Variants in ZNF804A observed in about 807,000 individuals in gnomAD.
ZNF804A encodes zinc finger protein 804A.
Under a neutral mutation model 16.5 loss-of-function variants are expected in ZNF804A, and 2 were observed. The observed-to-expected ratio is 0.12, with a 90% CI of 0.05 to 0.38. The LOEUF is 0.38. Ranked by LOEUF, ZNF804A falls within the 10% of genes least tolerant of loss-of-function variation. ZNF804A has a pLI of 0.99. For synonymous variants in ZNF804A, 534 were observed against 489.6 expected (o/e 1.09, Z -1.20); for missense variants, 1,473 against 1,390.7 (o/e 1.06, Z -0.94).
intron 1 of ZNF804A, among the ~76,000 whole-genome samples, chr2:184,843,756 C>T (rs140251730): frequency 6.6e-6 from 1 of 152,010 alleles, no homozygotes; most frequent in South Asian, 2.1e-4. Flanking sequence ...TTAGTTTTAA[C>T]CTATCTGATT....
intron 2 of ZNF804A, among the ~76,000 whole-genome samples, chr2:184,915,965 GAATATCTT>G (rs1685443029): frequency 6.6e-6 from 1 of 152,102 alleles, no homozygotes; most frequent in Non-Finnish European, 1.5e-5. Context: ...CCATCCACTA[GAATATCTT>G]AACCTTCTCT....
intron 1 of ZNF804A, among the ~76,000 whole-genome samples, chr2:184,810,146 G>T (rs1694869198): frequency 6.6e-6 from 1 of 152,268 alleles, no homozygotes; most frequent in African/African-American, 2.4e-5. Context: ...TTTACCCTTT[G>T]TCTATGTACT....
intron 1 of ZNF804A, among the ~76,000 whole-genome samples, chr2:184,738,377 C>T (rs531960262): frequency 6.6e-6 from 1 of 152,064 alleles, no homozygotes; most frequent in Non-Finnish European, 1.5e-5. Context: ...CAATTAGAGT[C>T]TTAGAATGAA....
intron 1 of ZNF804A, among the ~76,000 whole-genome samples, chr2:184,664,811 G>C (rs2035320): frequency 0.86 from 131,275 of 152,162 alleles, 56,976 homozygotes; most frequent in African/African-American, 0.91. Context: ...TTGTCTTTAC[G>C]ACAGCTCTTG....
intron 2 of ZNF804A, among the ~76,000 whole-genome samples, chr2:184,895,544 C>G (rs940228357): frequency 1.3e-5 from 2 of 152,168 alleles, no homozygotes; most frequent in African/African-American, 4.8e-5. Flanking sequence ...AAGCTGTGGT[C>G]ATTCAAAGAG....
At chr2:184,690,263 A>T (rs1692707561) in intron 1 of ZNF804A, among the ~76,000 whole-genome samples, 2 of 151,866 alleles carry the variant, frequency 1.3e-5, no homozygotes, top group African/African-American at 4.8e-5. Context: ...TGGTGACAAG[A>T]CTGTTGTATA....
intron 1 of ZNF804A, among the ~76,000 whole-genome samples, chr2:184,772,870 T>C (rs866842742): frequency 3.8e-4 from 57 of 150,434 alleles, no homozygotes; most frequent in Middle Eastern, 3.4e-3. Context: ...GTAGTTTTCA[T>C]TTGCTTTACC....
intron 1 of ZNF804A, among the ~76,000 whole-genome samples, chr2:184,791,734 T>C (rs1483291548): frequency 1.3e-5 from 2 of 152,142 alleles, no homozygotes; most frequent in African/African-American, 4.8e-5. Context: ...ATTTCACTCT[T>C]GGTGTTTCAT....
At chr2:184,780,557 A>C (rs1694357839) in intron 1 of ZNF804A, among the ~76,000 whole-genome samples, 1 of 151,692 alleles carries the variant, frequency 6.6e-6, no homozygotes, top group Non-Finnish European at 1.5e-5. Context: ...AGGGAGGTAC[A>C]TGAAATGAAA....
At chr2:184,862,569 A>G (rs1170412095) in intron 1 of ZNF804A, among the ~76,000 whole-genome samples, 5 of 152,196 alleles carry the variant, frequency 3.3e-5, no homozygotes, top group Non-Finnish European at 7.4e-5. Flanking sequence ...AAGCAACAGA[A>G]CACACAAATA....
At position 184,844,820 on chromosome 2, in the gene ZNF804A, C is replaced by T. The variant is rs572347338; in HGVS notation, c.112-21549C>T. ...TCTATTTCTTCTACTCCACTTCTCTCTCTCTCCAGCTTTTGATATTCTAAA... is the reference window on the plus strand; with the variant it reads ...TCTATTTCTTCTACTCCACTTCTCTTTCTCTCCAGCTTTTGATATTCTAAA... On this transcript the variant is annotated intron_variant, in intron 1 of 3. Coordinates refer to ENST00000302277, the MANE Select transcript of ZNF804A (RefSeq NM_194250.2). Among the ~76,000 whole-genome samples the T allele has an allele frequency of 3.3e-5, 5 of 152,020 alleles. No individual in the cohort carries two copies. In the South Asian group the frequency reaches 8.3e-4, roughly 25 times the overall value.
chr2:184,718,469 T>G (rs1214556656), intron 1 of ZNF804A, among the ~76,000 whole-genome samples: 1 of 152,018 alleles, frequency 6.6e-6, no homozygotes, highest in Non-Finnish European at 1.5e-5. Context: ...GCCCAAAGAC[T>G]CATCTGAGAC....
At chr2:184,683,217 T>C (rs1692571099) in intron 1 of ZNF804A, among the ~76,000 whole-genome samples, 1 of 152,214 alleles carries the variant, frequency 6.6e-6, no homozygotes, top group African/African-American at 2.4e-5. Context: ...AACAATTCAA[T>C]GTCTACTTTT....
chr2:184,892,904 C>T (rs933932581), intron 2 of ZNF804A, among the ~76,000 whole-genome samples: 1 of 151,906 alleles, frequency 6.6e-6, no homozygotes, highest in Non-Finnish European at 1.5e-5. Context: ...TTCATTATTG[C>T]CTGTGTTATA....
chr2:184,915,254 A>C, intron 2 of ZNF804A, among the ~76,000 whole-genome samples: 1 of 152,180 alleles, frequency 6.6e-6, no homozygotes, highest in South Asian at 2.1e-4. Context: ...CTTTTATTAC[A>C]TTGTAAAAAT....
intron 1 of ZNF804A, among the ~76,000 whole-genome samples, chr2:184,838,818 G>A (rs573437857): frequency 5.3e-5 from 8 of 151,870 alleles, no homozygotes; most frequent in South Asian, 2.1e-4. Context: ...ATATCAGCCC[G>A]GCAGTGCTCT....
chr2:184,752,831 A>G (rs1327751422), intron 1 of ZNF804A, among the ~76,000 whole-genome samples: 1 of 151,726 alleles, frequency 6.6e-6, no homozygotes, highest in African/African-American at 2.4e-5. Context: ...TTTCCAAAGT[A>G]TACAAAGAAA....
At chr2:184,711,941 T>C (rs2105737143) in intron 1 of ZNF804A, among the ~76,000 whole-genome samples, 1 of 151,852 alleles carries the variant, frequency 6.6e-6, no homozygotes, top group East Asian at 1.9e-4. Context: ...GTTCTTAAGA[T>C]TGATTTGGAT....
intron 1 of ZNF804A, among the ~76,000 whole-genome samples, chr2:184,633,124 C>G (rs1048340907): frequency 2.6e-5 from 4 of 152,116 alleles, no homozygotes; most frequent in Non-Finnish European, 4.4e-5. Flanking sequence ...TTAGTTTATT[C>G]TATGATGTTT....
Sources: gnomAD v4.1 joint callset for allele counts (sites outside exome capture counted in the v4.1 genomes callset) on GRCh38, gnomAD v4.1.1 for gene constraint, MANE v1.5 for transcripts, NCBI Gene and HGNC (gene_info 2026-07-23, HGNC 2026-07-21) for gene names.